The following MYCBP2 variants were observed in gnomAD, a reference collection of about 807,000 sequenced individuals.
The protein encoded by MYCBP2 is E3 ubiquitin-protein ligase MYCBP2.
Under a neutral mutation model 525.3 loss-of-function variants are expected in MYCBP2, and 120 were observed. That is an observed-to-expected ratio of 0.23 (90% confidence interval 0.20 to 0.27). The LOEUF is 0.27. MYCBP2 is among the 10% of genes least tolerant of loss of function. The pLI, the probability that MYCBP2 is intolerant of heterozygous loss-of-function variation, is 1.00. For synonymous variants in MYCBP2, 1,894 were observed against 1,955.8 expected, an observed-to-expected ratio of 0.97 and a Z score of 0.83; for missense variants, 4,149 against 5,657.1, an observed-to-expected ratio of 0.73 and a Z score of 8.55.
At chr13:77,270,084 A>G (rs1567111508) in intron 6 of MYCBP2, 21 bp from the exon 7 acceptor site, 1 of 1,576,774 alleles carries the variant, frequency 6.3e-7, no homozygotes, top group Non-Finnish European at 8.6e-7. Context: ...AACAAAAGTT[A>G]GTATATCAGT....
intron 27 of MYCBP2, among the ~76,000 whole-genome samples, chr13:77,192,155 C>T (rs2061354301): frequency 6.6e-6 from 1 of 152,164 alleles, no homozygotes; most frequent in African/African-American, 2.4e-5. Context: ...AGTTTTAAAG[C>T]TCATTCATTC....
At chr13:77,113,559 G>C (rs2049211911) in intron 55 of MYCBP2, among the ~76,000 whole-genome samples, 1 of 152,116 alleles carries the variant, frequency 6.6e-6, no homozygotes, top group Non-Finnish European at 1.5e-5. Flanking sequence ...CAAACAAAGA[G>C]GTGGGGGAAG....
intron 45 of MYCBP2, among the ~76,000 whole-genome samples, 197 bp from the exon 46 acceptor site, chr13:77,156,399 C>G (rs1426644891): frequency 6.6e-6 from 1 of 152,168 alleles, no homozygotes; most frequent in African/African-American, 2.4e-5. Flanking sequence ...AAAAACATGC[C>G]TAAGCACAGG....
chr13:77,263,994 T>G lies in MYCBP2; in HGVS notation c.1366A>C (p.Thr456Pro), dbSNP rs1240940397. The G allele has an allele frequency of 1.2e-6, 2 of 1,611,654 alleles. No individual in the cohort carries two copies. The highest frequency in any genetic ancestry group is 1.7e-6 in the Non-Finnish European group (2 of 1,178,578). Residue 456 changes from threonine to proline, a missense_variant, in exon 9 of 83, where the codon ACT (threonine) becomes CCT (proline). Physicochemically the swap from Thr to Pro is conservative, Grantham distance 38. Coordinates refer to ENST00000544440, the MANE Select transcript of MYCBP2 (RefSeq NM_015057.5). ...DGTVMLPDCH[T>P]EGQNILFTDG... The stretch of plus-strand genomic sequence containing the variant: ...GTGAATAAAATATTTTGACCTTCAG[T>G]GTGGCAATCTGTGCAAAAGAAAAAG...
intron 37 of MYCBP2, 72 bp from the exon 38 acceptor site, chr13:77,171,706 C>A (rs1263752423): frequency 7.0e-7 from 1 of 1,420,994 alleles, no homozygotes; most frequent in Non-Finnish European, 9.8e-7. Context: ...GAAATCATAT[C>A]TAGATCTGAG....
intron 18 of MYCBP2, among the ~76,000 whole-genome samples, chr13:77,227,646 T>C (rs925151932): frequency 2.6e-5 from 4 of 152,194 alleles, no homozygotes; most frequent in Non-Finnish European, 4.4e-5. Context: ...ATACATTGTG[T>C]TCATATGATT....
chr13:77,268,560 A>G (rs978810862), intron 7 of MYCBP2, among the ~76,000 whole-genome samples: 34 of 152,204 alleles, frequency 2.2e-4, no homozygotes, highest in Middle Eastern at 3.4e-3. Flanking sequence ...CAGGTGGATC[A>G]CCTGGGATTA....
At chr13:77,144,623 G>T in intron 48 of MYCBP2, 63 bp from the exon 49 acceptor site, 4 of 1,053,098 alleles carry the variant, frequency 3.8e-6, no homozygotes, top group African/African-American at 1.6e-5. Flanking sequence ...ACATCATTAC[G>T]ATAGTTCAGC....
intron 17 of MYCBP2, among the ~76,000 whole-genome samples, chr13:77,241,026 A>G (rs899680804): frequency 8.5e-5 from 13 of 152,212 alleles, no homozygotes; most frequent in African/African-American, 3.1e-4. Context: ...GTCACAAAAT[A>G]TACACTAAGT....
intron 1 of MYCBP2, among the ~76,000 whole-genome samples, chr13:77,319,520 A>G (rs2081344600): frequency 6.6e-6 from 1 of 152,214 alleles, no homozygotes; most frequent in South Asian, 2.1e-4. Context: ...GTTTCTTTAC[A>G]TGATGCTAAA....
At chr13:77,049,456 C>T (rs1445598570) in intron 82 of MYCBP2, among the ~76,000 whole-genome samples, 1 of 152,076 alleles carries the variant, frequency 6.6e-6, no homozygotes, top group African/African-American at 2.4e-5. Context: ...AAAATGATAA[C>T]ACAATTGGAA....
chr13:77,111,402 G>A (rs184536425), intron 55 of MYCBP2, among the ~76,000 whole-genome samples: 2 of 150,688 alleles, frequency 1.3e-5, no homozygotes, highest in East Asian at 3.9e-4. Context: ...TGTCATTTGA[G>A]ACTGGCTCCT....
intron 71 of MYCBP2, among the ~76,000 whole-genome samples, chr13:77,067,145 T>A (rs1225625041): frequency 6.6e-6 from 1 of 152,204 alleles, no homozygotes; most frequent in Non-Finnish European, 1.5e-5. Context: ...TAAGAAGGTC[T>A]TATCAAATTG....
At chr13:77,305,286 C>A (rs922995078) in intron 1 of MYCBP2, among the ~76,000 whole-genome samples, 2 of 151,956 alleles carry the variant, frequency 1.3e-5, no homozygotes, top group African/African-American at 4.8e-5. Flanking sequence ...TAGCAACAAC[C>A]CAAATGCTCA....
Position 77,146,152 on chromosome 13 carries a change from C to T in MYCBP2, c.7187+10G>A, listed in dbSNP as rs570391076. On this transcript the variant is annotated intron_variant, in intron 48 of 82. Coordinates refer to ENST00000544440, the MANE Select transcript of MYCBP2 (RefSeq NM_015057.5). ...ATGTTTTGGTTATACTTTGAGAAAA[C>T]GATCCTTACCTCTTAGGAGTTGGTG... is the stretch of plus-strand genomic sequence containing the variant. 92 of 1,569,078 alleles carry T rather than the reference C, an allele frequency of 5.9e-5. No individual in the cohort carries two copies. Among genetic ancestry groups the T allele is most frequent in the South Asian group, 5.5e-4 (45 of 81,528 alleles).
Position 77,087,755 on chromosome 13 carries a change from T to TA in MYCBP2, c.10726-123dup, listed in dbSNP as rs111774023. On this transcript the variant is annotated intron_variant, in intron 61 of 82. Coordinates refer to ENST00000544440, the MANE Select transcript of MYCBP2 (RefSeq NM_015057.5). The stretch of plus-strand genomic sequence containing the variant: ...AAGATACTAGAAAATCTTTTTTAAT[T>TA]AAAAAAAATGCCTTATAGTTTTACT... 755 of 841,880 alleles carry TA rather than the reference T, an allele frequency of 9.0e-4. 4 individuals carry two copies. The highest frequency in any genetic ancestry group is 5.5e-3 in the African/African-American group (315 of 57,766). The allele number at this position is 841,880 out of a possible 1,614,324, so 52.2% of individuals were successfully genotyped here. A position where few individuals can be genotyped will look rare whatever the true frequency, so the allele number is the denominator to read the frequency against.
Position 77,098,674 on chromosome 13 carries a change from A to T in MYCBP2, c.8480T>A (p.Leu2827His). Residue 2827 changes from leucine (L) to histidine (H), a missense_variant, in exon 56 of 83, where the codon CTC becomes CAC. By Grantham distance (99) the Leu-to-His change is moderately conservative. Coordinates refer to ENST00000544440, the MANE Select transcript of MYCBP2 (RefSeq NM_015057.5). Reference protein sequence around the residue: ...SRLSSPKPKTLPANRSSPSGA... With the variant: ...SRLSSPKPKTHPANRSSPSGA... ...CGATGGGCTAGACCTATTGGCTGGG[A>T]GAGTCTTTGGCTTAGGAGATGACAA... 6.2e-7 allele frequency: 1 copy of T among 1,611,662 alleles called. No individual in the cohort carries two copies. Among genetic ancestry groups the T allele is most frequent in the Non-Finnish European group, 8.5e-7 (1 of 1,179,254 alleles).
Position 77,166,340 on chromosome 13 carries a change from A to G in MYCBP2, c.6329T>C (p.Leu2110Ser). The G allele has an allele frequency of 1.9e-6, 3 of 1,605,188 alleles. No homozygotes were observed. The highest frequency in any genetic ancestry group is 2.2e-5 in the South Asian group (2 of 88,954). The change falls in exon 41 of 83, where the codon TTG (leucine) becomes TCG (serine). Residue 2110 changes from leucine to serine, a missense_variant. Physicochemically the swap from Leu to Ser is moderately radical, Grantham distance 145. Transcript: ENST00000544440. The part of the protein sequence containing the change: ...SGSSGWPTMV[L>S]VLPGNEALFS... ...AAAAAAAAACTTACCTGGCAACACCAAAACCATAGTAGGCCACCCAGAGGA... is the reference window on the plus strand; with the variant it reads ...AAAAAAAAACTTACCTGGCAACACCGAAACCATAGTAGGCCACCCAGAGGA...
chr13:77,104,168 T>C (rs764338797), intron 55 of MYCBP2, among the ~76,000 whole-genome samples: 3 of 152,058 alleles, frequency 2.0e-5, no homozygotes. Flanking sequence ...CTGAAATAAA[T>C]TCAGGTAGTA....
Sources: gnomAD v4.1 joint callset for allele counts (sites outside exome capture counted in the v4.1 genomes callset) on GRCh38, gnomAD v4.1.1 for gene constraint, MANE v1.5 for transcripts, NCBI Gene and HGNC (gene_info 2026-07-23, HGNC 2026-07-21) for gene names.